HMCN1: variants seen among roughly 807,000 people sequenced by gnomAD.
HMCN1 encodes hemicentin 1, also known as hemicentin-1.
A neutral mutation model predicts 625.9 loss-of-function variants in HMCN1; 321 were observed. The ratio of observed to expected loss-of-function variants is 0.51; its 90% CI spans 0.47 to 0.56. The LOEUF (loss-of-function observed/expected upper bound fraction) is 0.56. Ranked by LOEUF, HMCN1 falls within the 20% of genes least tolerant of loss-of-function variation. The pLI is 0.00. For missense variants in HMCN1, 6,588 were observed against 6,887.3 expected, an observed-to-expected ratio of 0.96 and a Z score of 1.54; for synonymous variants, 2,425 against 2,417.6, an observed-to-expected ratio of 1.00 and a Z score of -0.09.
intron 34 of HMCN1, among the ~76,000 whole-genome samples, chr1:186,018,641 A>G (rs1346389998): frequency 6.6e-6 from 1 of 152,064 alleles, no homozygotes; most frequent in Non-Finnish European, 1.5e-5. Context: ...TGTGTTCTAC[A>G]TAGAATGCCA....
At chr1:186,108,310 C>T (rs1660718248) in intron 70 of HMCN1, 151 bp from the exon 71 acceptor site, 9 of 1,197,396 alleles carry the variant, frequency 7.5e-6, no homozygotes, top group Non-Finnish European at 9.3e-6. Flanking sequence ...AAAAAAAAAA[C>T]ACTTCCCACT....
intron 4 of HMCN1, among the ~76,000 whole-genome samples, chr1:185,907,988 G>A (rs1004714613): frequency 2.6e-5 from 4 of 151,584 alleles, no homozygotes; most frequent in Non-Finnish European, 5.9e-5. Context: ...GATGCACAAA[G>A]AAGTAGGAGA....
chr1:186,104,204 T>C (rs1028776574), intron 69 of HMCN1, among the ~76,000 whole-genome samples: 4 of 152,202 alleles, frequency 2.6e-5, no homozygotes, highest in African/African-American at 9.6e-5. Context: ...TCTTCTATTC[T>C]ACTAGTAAAG....
chr1:186,055,388 C>G lies in HMCN1; in HGVS notation c.6863-5C>G. ...TGTTTCTTTTTATCTTCCTCCAACCCTCAGTTAGACCAACCATAACCAACA... is the reference window on the plus strand; with the variant it reads ...TGTTTCTTTTTATCTTCCTCCAACCGTCAGTTAGACCAACCATAACCAACA... On this transcript the variant is annotated splice_polypyrimidine_tract_variant and splice_region_variant and intron_variant, in intron 44 of 106. Transcript: ENST00000271588. 6.2e-7 allele frequency: 1 copy of G among 1,612,086 alleles called. No homozygotes were observed. Among genetic ancestry groups the G allele is most frequent in the Non-Finnish European group, 8.5e-7 (1 of 1,178,682 alleles).
At chr1:185,853,655 T>C (rs1380790882) in intron 2 of HMCN1, among the ~76,000 whole-genome samples, 2 of 152,174 alleles carry the variant, frequency 1.3e-5, no homozygotes, top group East Asian at 3.8e-4. Context: ...TGTTTGACCC[T>C]TTTTTAGGTA....
At chr1:185,963,949 C>T (rs969382547) in intron 13 of HMCN1, 54 bp downstream of exon 13, 1 of 1,510,780 alleles carries the variant, frequency 6.6e-7, no homozygotes, top group Non-Finnish European at 9.2e-7. Flanking sequence ...TCACATCAAG[C>T]AATGCAAAAG....
chr1:186,101,446 A>AT (rs1660379693), intron 68 of HMCN1, among the ~76,000 whole-genome samples: 1 of 152,112 alleles, frequency 6.6e-6, no homozygotes, highest in African/African-American at 2.4e-5. Context: ...GTTTTAAGTG[A>AT]TTTTCAAACA....
At chr1:185,938,916 T>C (rs1667949380) in intron 11 of HMCN1, among the ~76,000 whole-genome samples, 1 of 152,040 alleles carries the variant, frequency 6.6e-6, no homozygotes, top group Non-Finnish European at 1.5e-5. Flanking sequence ...GCAAGTAGTT[T>C]TGAAAAAAAA....
At position 186,136,712 on chromosome 1, in the gene HMCN1, G is replaced by A; in HGVS notation, c.13357G>A (p.Ala4453Thr). ...TLEPVETVINAGGKIILNCQA... is the reference protein window; with the variant it reads ...TLEPVETVINTGGKIILNCQA... Reference sequence around the variant, plus strand: ...TGAGCCAGTGGAAACTGTTATTAATGCTGGTGGCAAAATCATATTGAATTG... The same window carrying A: ...TGAGCCAGTGGAAACTGTTATTAATACTGGTGGCAAAATCATATTGAATTG... Residue 4453 changes from alanine to threonine, a missense_variant, in exon 87 of 107, where the codon GCT becomes ACT. Ala to Thr is a moderately conservative substitution (Grantham distance 58). Transcript: ENST00000271588. 1 of 1,613,936 alleles carries A rather than the reference G, an allele frequency of 6.2e-7. No individual in the cohort carries two copies. Among genetic ancestry groups the A allele is most frequent in the Non-Finnish European group, 8.5e-7 (1 of 1,179,882 alleles).
At chr1:186,160,865 TGTG>T (rs1651413768) in intron 97 of HMCN1, among the ~76,000 whole-genome samples, 1 of 150,578 alleles carries the variant, frequency 6.6e-6, no homozygotes, top group Admixed American at 6.6e-5. Flanking sequence ...TTGGAATAGG[TGTG>T]GTGTGGTGCT....
At chr1:185,814,922 C>T (rs903597925) in intron 1 of HMCN1, among the ~76,000 whole-genome samples, 1 of 149,824 alleles carries the variant, frequency 6.7e-6, no homozygotes, top group South Asian at 2.1e-4. Context: ...AAACTCCTGA[C>T]CTCAAGTGAT....
intron 67 of HMCN1, 67 bp downstream of exon 67, chr1:186,094,440 G>A: frequency 1.8e-6 from 2 of 1,115,862 alleles, no homozygotes; most frequent in Non-Finnish European, 2.7e-6. Context: ...CTTATCTTTA[G>A]AAACCGACTT....
At position 185,753,265 on chromosome 1, in the gene HMCN1, T is replaced by C. The variant is rs569095754; in HGVS notation, c.268+18218T>C. ...AAAGTTTTTCCCTTTGGAATTGCAA[T>C]GAAGATAAAAAATAGCATAAAGAAA... On this transcript the variant is annotated intron_variant, in intron 1 of 106. Coordinates refer to ENST00000271588, the MANE Select transcript of HMCN1 (RefSeq NM_031935.3). Among the ~76,000 whole-genome samples the C allele has an allele frequency of 2.0e-5, 3 of 152,184 alleles. No individual in the cohort carries two copies. The South Asian group carries it at 6.2e-4, about 31-fold the overall frequency.
rs1288828399 is a variant in HMCN1 at position 186,038,107 on chromosome 1, A to ATAATATAC, written c.5851+77_5851+84dup. ...GGAATAACTGAAATTGGTTTTGAGC[A>ATAATATAC]TAATATACTAATTACTAGTAAAGAA... On this transcript the variant is annotated intron_variant, in intron 37 of 106. Transcript: ENST00000271588. The ATAATATAC allele has an allele frequency of 4.2e-5, 38 of 913,082 alleles. No homozygotes were observed. The African/African-American group carries it at 4.9e-4, about 12-fold the overall frequency. 56.6% of individuals were successfully genotyped at this position (913,082 alleles called of 1,614,324 possible). A position where few individuals can be genotyped will look rare whatever the true frequency, so the allele number is the denominator to read the frequency against.
At chr1:185,874,014 A>G (rs949269037) in intron 4 of HMCN1, among the ~76,000 whole-genome samples, 1 of 152,176 alleles carries the variant, frequency 6.6e-6, no homozygotes, top group South Asian at 2.1e-4. Context: ...AGCCTTGGCT[A>G]TTATCTCTAG....
chr1:185,842,065 A>AG (rs1189985390), intron 1 of HMCN1, among the ~76,000 whole-genome samples: 1 of 152,194 alleles, frequency 6.6e-6, no homozygotes, highest in Admixed American at 6.5e-5. Flanking sequence ...CTGGAAAAAA[A>AG]GTCTGTATCA....
At position 186,132,366 on chromosome 1, in the gene HMCN1, T is replaced by C. The variant is rs754122512; in HGVS notation, c.13269T>C (p.Asn4423=). 1 of 1,612,968 alleles carries C rather than the reference T, an allele frequency of 6.2e-7. No individual in the cohort carries two copies. ...DAGDYTCVAT[N]EAGVVERSMS... Reference sequence around the variant, plus strand: ...GTGACTATACATGTGTAGCTACCAATGAAGCTGGGGTGGTGGAGCGCAGCA... The same window carrying C: ...GTGACTATACATGTGTAGCTACCAACGAAGCTGGGGTGGTGGAGCGCAGCA... Residue 4423 remains asparagine (N), a synonymous_variant, in exon 86 of 107, where the codon AAT becomes AAC. Coordinates refer to ENST00000271588, the MANE Select transcript of HMCN1 (RefSeq NM_031935.3).
intron 1 of HMCN1, 96 bp from the exon 2 acceptor site, chr1:185,845,930 C>T (rs1172667198): frequency 1.3e-6 from 1 of 766,422 alleles, no homozygotes; most frequent in Non-Finnish European, 2.3e-6. Flanking sequence ...AATAAGTAAC[C>T]ATGTACTGCA....
chr1:185,783,863 G>A (rs189030554), intron 1 of HMCN1, among the ~76,000 whole-genome samples: 41 of 152,306 alleles, frequency 2.7e-4, no homozygotes, highest in African/African-American at 8.7e-4. Flanking sequence ...CCACTGTACC[G>A]TCTTCAAAGC....
Sources: gnomAD v4.1 joint callset for allele counts (sites outside exome capture counted in the v4.1 genomes callset) on GRCh38, gnomAD v4.1.1 for gene constraint, MANE v1.5 for transcripts, NCBI Gene and HGNC (gene_info 2026-07-23, HGNC 2026-07-21) for gene names.